The following PDCL2 variants were observed in gnomAD, a reference collection of about 807,000 sequenced individuals.
PDCL2 encodes phosducin-like protein 2.
PDCL2 carries 23 observed loss-of-function variants against 30.3 expected under a neutral mutation model. That is an observed-to-expected ratio of 0.76 (90% CI 0.55 to 1.08). The LOEUF (loss-of-function observed/expected upper bound fraction) is 1.08. Among genes scored for constraint, PDCL2 ranks in the 50% least tolerant of loss-of-function variants. PDCL2 has a pLI of 0.00. For synonymous variants in PDCL2, 68 were observed against 86.2 expected, an observed-to-expected ratio of 0.79 and a Z score of 1.17; for missense variants, 243 against 282.3, an observed-to-expected ratio of 0.86 and a Z score of 1.00.
chr4:55,556,821 A>G, intron 5 of PDCL2, 110 bp from the exon 6 acceptor site: 4 of 916,080 alleles, frequency 4.4e-6, no homozygotes, highest in Non-Finnish European at 6.0e-6. Flanking sequence ...AAATGATGAT[A>G]TATTTATTTA....
At chr4:55,586,653 G>C (rs187259584) in intron 1 of PDCL2, among the ~76,000 whole-genome samples, 1 of 152,198 alleles carries the variant, frequency 6.6e-6, no homozygotes. Flanking sequence ...ACAAATATCT[G>C]TTTAAGTCCT....
intron 4 of PDCL2, among the ~76,000 whole-genome samples, chr4:55,565,016 C>T (rs1239920656): frequency 6.6e-6 from 1 of 152,100 alleles, no homozygotes; most frequent in Non-Finnish European, 1.5e-5. Flanking sequence ...ACTAAAACCA[C>T]CTTTGTAAAG....
intron 3 of PDCL2, among the ~76,000 whole-genome samples, chr4:55,570,588 G>T (rs913872142): frequency 6.6e-6 from 1 of 152,076 alleles, no homozygotes; most frequent in Admixed American, 6.5e-5. Context: ...ACTCACAAGG[G>T]ATTACTGGGA....
Position 55,556,703 on chromosome 4 carries a change from A to G in PDCL2, c.580T>C (p.Trp194Arg). Residue 194 changes from tryptophan to arginine, a missense_variant, in exon 6 of 6, where the codon TGG (tryptophan) becomes CGG (arginine). By Grantham distance (101) the Trp-to-Arg change is moderately radical. Transcript: ENST00000295645. Reference protein sequence around the residue: ...GINLKLEELEWKLAEVGAIQT... With the variant: ...GINLKLEELERKLAEVGAIQT... ...ATTGCTCCAACTTCTGCTAGCTTCC[A>G]TTCAAGTTCTGTAATAAATAACCCA... 6.5e-7 allele frequency: 1 copy of G among 1,546,808 alleles called. No individual in the cohort carries two copies. The highest frequency in any genetic ancestry group is 8.7e-7 in the Non-Finnish European group (1 of 1,146,742).
rs558650481 is a variant in PDCL2, at chr4:55,589,577, A to C, written c.6+2527T>G. On this transcript the variant is annotated intron_variant, in intron 1 of 5. Coordinates refer to ENST00000295645, the MANE Select transcript of PDCL2 (RefSeq NM_152401.3). ...TATCCTTCCCTGAATTCTCCTAGACATGTGTTTACCTCCGGTTCACCCTCC... is the reference window on the plus strand; with the variant it reads ...TATCCTTCCCTGAATTCTCCTAGACCTGTGTTTACCTCCGGTTCACCCTCC... 1.3e-4 allele frequency among the ~76,000 whole-genome samples: 20 copies of C among 152,262 alleles called. No homozygotes were observed. The East Asian group carries it at 3.5e-3, about 27-fold the overall frequency.
chr4:55,560,197 G>A (rs1358552805), intron 5 of PDCL2, among the ~76,000 whole-genome samples: 1 of 143,428 alleles, frequency 7.0e-6, no homozygotes, highest in Non-Finnish European at 1.5e-5. Flanking sequence ...AAAGGGGGGG[G>A]GGACGAGATA....
intron 3 of PDCL2, among the ~76,000 whole-genome samples, chr4:55,571,456 G>C (rs10034170): frequency 1.3e-5 from 2 of 150,006 alleles, no homozygotes; most frequent in African/African-American, 4.9e-5. Context: ...GGGAGGCCGA[G>C]GCGGGCAGAT....
chr4:55,588,098 T>A (rs1471484015), intron 1 of PDCL2, among the ~76,000 whole-genome samples: 4 of 152,100 alleles, frequency 2.6e-5, no homozygotes, highest in African/African-American at 9.7e-5. Context: ...GAAAAATAAA[T>A]CTCAGGACCC....
chr4:55,586,364 T>C (rs543524143), intron 1 of PDCL2, among the ~76,000 whole-genome samples: 6 of 152,218 alleles, frequency 3.9e-5, no homozygotes, highest in Non-Finnish European at 8.8e-5. Flanking sequence ...AGGAAACCAT[T>C]GTTCCATGTT....
chr4:55,562,698 A>G, intron 4 of PDCL2, 86 bp from the exon 5 acceptor site: 2 of 830,804 alleles, frequency 2.4e-6, no homozygotes, highest in Non-Finnish European at 1.8e-6. Context: ...CGCCATGGCA[A>G]AAATATATCT....
intron 4 of PDCL2, among the ~76,000 whole-genome samples, chr4:55,562,829 C>A: frequency 6.6e-6 from 1 of 151,374 alleles, no homozygotes; most frequent in East Asian, 1.9e-4. Context: ...ATGAAGCTAG[C>A]TACCATGGCA....
At chr4:55,567,346 G>A (rs548749135) in intron 4 of PDCL2, among the ~76,000 whole-genome samples, 2 of 152,062 alleles carry the variant, frequency 1.3e-5, no homozygotes, top group East Asian at 1.9e-4. Context: ...CGGTCTGGGC[G>A]ACATAACAAT....
At chr4:55,560,190 G>GT (rs1491125239) in intron 5 of PDCL2, among the ~76,000 whole-genome samples, 3 of 8,934 alleles carry the variant, frequency 3.4e-4, no homozygotes, top group Admixed American at 2.5e-3. Flanking sequence ...CAAAAAAAAA[G>GT]GGGGGGGGGA....
At chr4:55,586,870 G>T (rs1451284416) in intron 1 of PDCL2, among the ~76,000 whole-genome samples, 1 of 152,036 alleles carries the variant, frequency 6.6e-6, no homozygotes, top group East Asian at 1.9e-4. Context: ...ATTCTAGTGG[G>T]TGTGAAGTAG....
intron 5 of PDCL2, among the ~76,000 whole-genome samples, chr4:55,560,167 T>C (rs931577197): frequency 8.3e-6 from 1 of 121,208 alleles, no homozygotes; most frequent in Non-Finnish European, 1.7e-5. Context: ...ATAAATTTCA[T>C]TGATATCTGT....
chr4:55,575,489 A>C (rs1468336578), intron 3 of PDCL2, among the ~76,000 whole-genome samples: 2 of 152,228 alleles, frequency 1.3e-5, no homozygotes, highest in Non-Finnish European at 2.9e-5. Context: ...AAGAAGCATA[A>C]AGGATATTTT....
chr4:55,573,917 C>CAA (rs1732495359), intron 3 of PDCL2, among the ~76,000 whole-genome samples: 1 of 146,480 alleles, frequency 6.8e-6, no homozygotes, highest in African/African-American at 2.5e-5. Flanking sequence ...TTTTTTGAGA[C>CAA]AGAGTCTCGC....
In PDCL2 at chr4:55,580,806, A is replaced by G. The variant is rs746064516; in HGVS notation, c.218+15T>C. ...CATTCAAAAATTTATAATTAACCCA[A>G]ATGAATCACTGTACCTATATGTTTC... On this transcript the variant is annotated intron_variant, in intron 3 of 5. Coordinates refer to ENST00000295645, the MANE Select transcript of PDCL2 (RefSeq NM_152401.3). 2 of 1,543,842 alleles carry G rather than the reference A, an allele frequency of 1.3e-6. No homozygotes were observed. Among genetic ancestry groups the G allele is most frequent in the Non-Finnish European group, 8.8e-7 (1 of 1,142,286 alleles).
chr4:55,568,815 C>T (rs7680836), intron 4 of PDCL2, among the ~76,000 whole-genome samples: 4,983 of 152,222 alleles, frequency 0.033, 283 homozygotes, highest in African/African-American at 0.11. Context: ...CTTATCATTC[C>T]AGTGAGGCAC....
Sources: gnomAD v4.1 joint callset for allele counts (sites outside exome capture counted in the v4.1 genomes callset) on GRCh38, gnomAD v4.1.1 for gene constraint, MANE v1.5 for transcripts, NCBI Gene and HGNC (gene_info 2026-07-23, HGNC 2026-07-21) for gene names.